The following KPNA1 variants were observed in gnomAD, a reference collection of about 807,000 sequenced individuals.
The protein encoded by KPNA1 is karyopherin subunit alpha 1, also known as importin subunit alpha-5.
Under a neutral mutation model 70.5 loss-of-function variants are expected in KPNA1, and 10 were observed. The ratio of observed to expected loss-of-function variants is 0.14; its 90% CI spans 0.09 to 0.24. The LOEUF is 0.24. KPNA1 is among the 10% of genes least tolerant of loss of function. The pLI is 1.00. For missense variants in KPNA1, 397 were observed against 637.9 expected (o/e 0.62, Z 4.07); for synonymous variants, 192 against 221.9 (o/e 0.87, Z 1.20).
At chr3:122,429,446 C>CAAAAAAAAA (rs57991855) in intron 12 of KPNA1, among the ~76,000 whole-genome samples, 3 of 58,776 alleles carry the variant, frequency 5.1e-5, no homozygotes, top group East Asian at 6.1e-4. Flanking sequence ...AACTCTGTCT[C>CAAAAAAAAA]AAAAAAAAAA....
intron 4 of KPNA1, among the ~76,000 whole-genome samples, chr3:122,462,793 G>A (rs2076338747): frequency 6.6e-6 from 1 of 151,980 alleles, no homozygotes; most frequent in Non-Finnish European, 1.5e-5. Flanking sequence ...AATCACTAAT[G>A]ACTCTAAACA....
At position 122,461,326 on chromosome 3, in the gene KPNA1, C is replaced by T; in HGVS notation, c.338-8G>A. 6.3e-7 allele frequency: 1 copy of T among 1,584,382 alleles called. No individual in the cohort carries two copies. Among genetic ancestry groups the T allele is most frequent in the Non-Finnish European group, 8.6e-7 (1 of 1,161,964 alleles). On this transcript the variant is annotated splice_polypyrimidine_tract_variant and splice_region_variant and intron_variant, in intron 4 of 13. Transcript: ENST00000344337. ...CAATAGGAGGGTTAGGTTCTGTTTC[C>T]CCATAAAATAAAAGAAAAAAAAAAT...
intron 9 of KPNA1, among the ~76,000 whole-genome samples, chr3:122,447,630 T>C (rs972660768): frequency 6.6e-6 from 1 of 152,194 alleles, no homozygotes; most frequent in Non-Finnish European, 1.5e-5. Context: ...GGATGCCCTC[T>C]CTCAGCACTC....
At chr3:122,433,637 A>G (rs761104465) in intron 12 of KPNA1, 24 bp downstream of exon 12, 23 of 1,568,742 alleles carry the variant, frequency 1.5e-5, no homozygotes, top group Non-Finnish European at 1.9e-5. Flanking sequence ...TTAACTTACA[A>G]TATGCTGCCT....
At chr3:122,466,470 C>CATATAT (rs200338325) in intron 3 of KPNA1, among the ~76,000 whole-genome samples, 6 of 150,816 alleles carry the variant, frequency 4.0e-5, no homozygotes, top group African/African-American at 1.5e-4. Context: ...TGTGTGTACA[C>CATATAT]ATATATATAT....
intron 2 of KPNA1, among the ~76,000 whole-genome samples, chr3:122,486,800 G>A (rs905203061): frequency 1.3e-5 from 2 of 151,956 alleles, no homozygotes; most frequent in South Asian, 4.2e-4. Context: ...TGTTAGCCAG[G>A]ATGGTCTTGA....
chr3:122,511,852 AAC>A (rs1188890138), intron 1 of KPNA1, among the ~76,000 whole-genome samples: 2 of 152,242 alleles, frequency 1.3e-5, no homozygotes, highest in African/African-American at 4.8e-5. Context: ...TACATCTAAA[AAC>A]AATCTGGTAG....
Position 122,426,529 on chromosome 3 carries a change from A to G in KPNA1, c.*456T>C, listed in dbSNP as rs2075824874. The G allele has an allele frequency of 6.5e-6, 1 of 154,032 alleles. No individual in the cohort carries two copies. The highest frequency in any genetic ancestry group is 2.4e-5 in the African/African-American group (1 of 41,472). 9.5% of individuals were successfully genotyped at this position (154,032 alleles called of 1,614,324 possible). Reference sequence around the variant, plus strand: ...GAACTCATGAAAAGTACTCTGAAGTATACACAACAGGTCTAAACATCTCCC... The same window carrying G: ...GAACTCATGAAAAGTACTCTGAAGTGTACACAACAGGTCTAAACATCTCCC... On this transcript the variant is annotated 3_prime_UTR_variant, in exon 14 of 14. Coordinates refer to ENST00000344337, the MANE Select transcript of KPNA1 (RefSeq NM_002264.4).
chr3:122,473,136 C>T (rs970713346), intron 2 of KPNA1, among the ~76,000 whole-genome samples: 2 of 151,976 alleles, frequency 1.3e-5, no homozygotes, highest in African/African-American at 4.8e-5. Flanking sequence ...CAAATTTGAT[C>T]ACCTAGATAA....
chr3:122,459,549 G>A, intron 5 of KPNA1: 8 of 985,450 alleles, frequency 8.1e-6, no homozygotes, highest in Non-Finnish European at 9.6e-6. Flanking sequence ...TCTCTGCAGT[G>A]TTGGTTGTCT....
At chr3:122,451,671 G>A (rs766677819) in intron 7 of KPNA1, 38 bp from the exon 8 acceptor site, 3 of 1,302,112 alleles carry the variant, frequency 2.3e-6, no homozygotes, top group East Asian at 4.6e-5. Flanking sequence ...CTATGTAACA[G>A]ACAGTGATTA....
intron 1 of KPNA1, among the ~76,000 whole-genome samples, chr3:122,504,107 T>G (rs753407843): frequency 6.6e-6 from 1 of 152,010 alleles, no homozygotes; most frequent in Non-Finnish European, 1.5e-5. Context: ...GGACTTAGAG[T>G]GAGGATGATG....
intron 4 of KPNA1, 96 bp from the exon 5 acceptor site, chr3:122,461,414 C>T (rs933068319): frequency 1.1e-5 from 8 of 726,816 alleles, no homozygotes; most frequent in Non-Finnish European, 1.9e-5. Context: ...CCTCCATTTA[C>T]CATCTCTCAT....
intron 9 of KPNA1, among the ~76,000 whole-genome samples, chr3:122,446,097 A>G (rs1304677349): frequency 6.6e-6 from 1 of 152,160 alleles, no homozygotes; most frequent in Non-Finnish European, 1.5e-5. Context: ...CCCACTGTCA[A>G]TATTAGACAG....
intron 10 of KPNA1, 89 bp downstream of exon 10, chr3:122,441,949 T>C: frequency 2.0e-6 from 2 of 986,320 alleles, no homozygotes; most frequent in South Asian, 2.7e-5. Context: ...TCCCTAATAA[T>C]ATGGAGTAAA....
chr3:122,479,467 TAAACATACTCAGCC>T (rs1334092521), intron 2 of KPNA1, among the ~76,000 whole-genome samples: 3 of 152,022 alleles, frequency 2.0e-5, no homozygotes, highest in African/African-American at 7.2e-5. Context: ...GTTACAAAAT[TAAACATACTCAGCC>T]AGGCACAGTG....
intron 10 of KPNA1, among the ~76,000 whole-genome samples, chr3:122,437,558 T>C (rs2076005390): frequency 6.6e-6 from 1 of 152,234 alleles, no homozygotes; most frequent in African/African-American, 2.4e-5. Flanking sequence ...ACAAAAGCAT[T>C]ACTCATTCAC....
chr3:122,430,574 T>C (rs1301965404), intron 12 of KPNA1, among the ~76,000 whole-genome samples: 1 of 144,070 alleles, frequency 6.9e-6, no homozygotes, highest in African/African-American at 2.6e-5. Context: ...TGTGTGTGTG[T>C]GTGTGTGGTT....
At chr3:122,501,305 T>A (rs1369632171) in intron 1 of KPNA1, among the ~76,000 whole-genome samples, 1 of 152,092 alleles carries the variant, frequency 6.6e-6, no homozygotes, top group Admixed American at 6.5e-5. Flanking sequence ...GGATTACAGG[T>A]GTAAGCCACC....
Sources: allele counts gnomAD v4.1 joint callset (sites outside exome capture counted in the v4.1 genomes callset), GRCh38; gene constraint gnomAD v4.1.1; transcripts MANE v1.5; gene names NCBI Gene and HGNC (gene_info 2026-07-23, HGNC 2026-07-21).